Variants in SPECC1 observed in about 807,000 individuals in gnomAD.
SPECC1 encodes sperm antigen with calponin homology and coiled-coil domains 1, also known as cytospin-B.
SPECC1 carries 62 observed loss-of-function variants against 104.1 expected under a neutral mutation model. The observed-to-expected ratio is 0.60, with a 90% CI of 0.49 to 0.74. The LOEUF (loss-of-function observed/expected upper bound fraction) is 0.74, where lower values mean the gene tolerates loss of function less well. Ranked by LOEUF, SPECC1 falls within the 30% of genes least tolerant of loss-of-function variation. The pLI, the probability that SPECC1 is intolerant of heterozygous loss-of-function variation, is 0.00. For synonymous variants in SPECC1, 513 were observed against 501.6 expected, an observed-to-expected ratio of 1.02 and a Z score of -0.30; for missense variants, 1,306 against 1,310.5, an observed-to-expected ratio of 1.00 and a Z score of 0.05.
chr17:20,057,523 T>A (rs2046013696), intron 1 of SPECC1, among the ~76,000 whole-genome samples: 1 of 152,154 alleles, frequency 6.6e-6, no homozygotes, highest in Non-Finnish European at 1.5e-5. Context: ...AGACAGGGTC[T>A]CTCTCTGTCA....
intron 3 of SPECC1, among the ~76,000 whole-genome samples, chr17:20,151,862 A>C (rs2032034942): frequency 6.6e-6 from 1 of 152,084 alleles, no homozygotes; most frequent in Non-Finnish European, 1.5e-5. Context: ...CAGCCTGACC[A>C]ACATGGTGAA....
intron 3 of SPECC1, among the ~76,000 whole-genome samples, chr17:20,156,696 C>A (rs2032587322): frequency 6.6e-6 from 1 of 152,196 alleles, no homozygotes; most frequent in Non-Finnish European, 1.5e-5. Context: ...GTTCCTAACC[C>A]AGAATAGTCC....
chr17:20,116,290 A>T (rs1174322601), intron 3 of SPECC1, among the ~76,000 whole-genome samples: 1 of 151,950 alleles, frequency 6.6e-6, no homozygotes, highest in Non-Finnish European at 1.5e-5. Flanking sequence ...GGGTTTCACC[A>T]TGTTAGCCAG....
intron 3 of SPECC1, among the ~76,000 whole-genome samples, chr17:20,199,716 T>C (rs1204276366): frequency 2.0e-5 from 3 of 152,178 alleles, no homozygotes; most frequent in Non-Finnish European, 2.9e-5. Flanking sequence ...GTTGTACTGA[T>C]TGACATTCTC....
intron 3 of SPECC1, 53 bp downstream of exon 3, chr17:20,110,615 G>A (rs1312010687): frequency 1.4e-5 from 22 of 1,548,158 alleles, no homozygotes; most frequent in Non-Finnish European, 1.8e-5. Flanking sequence ...TGGCCGCATG[G>A]AAGCACTTCA....
intron 4 of SPECC1, among the ~76,000 whole-genome samples, chr17:20,214,883 G>A (rs1207697483): frequency 6.6e-6 from 1 of 152,212 alleles, no homozygotes; most frequent in Non-Finnish European, 1.5e-5. Context: ...TGTCAGGGAC[G>A]GGCAGGAGGA....
At chr17:20,216,237 T>C (rs757117785) in intron 4 of SPECC1, among the ~76,000 whole-genome samples, 18 of 152,158 alleles carry the variant, frequency 1.2e-4, no homozygotes, top group Non-Finnish European at 2.5e-4. Context: ...AGGAGTGCTC[T>C]TAATATCTGC....
chr17:20,108,129 A>G (rs1257385812), intron 2 of SPECC1, among the ~76,000 whole-genome samples: 1 of 152,168 alleles, frequency 6.6e-6, no homozygotes, highest in East Asian at 1.9e-4. Context: ...ATGGTTGTAC[A>G]ACATGGTGAA....
At chr17:20,233,173 C>G (rs1283882843) in intron 7 of SPECC1, among the ~76,000 whole-genome samples, 2 of 152,178 alleles carry the variant, frequency 1.3e-5, no homozygotes, top group African/African-American at 4.8e-5. Context: ...CTTTGAGATT[C>G]TTGGATATTA....
In SPECC1 at chr17:20,204,593, A is replaced by G; in HGVS notation, c.544A>G (p.Ser182Gly). ...TTTGGCAGAAGCCAAAGCAAAAGATAGTGAAATTAACAGGCTTCGAAGTGA... is the reference window on the plus strand; with the variant it reads ...TTTGGCAGAAGCCAAAGCAAAAGATGGTGAAATTAACAGGCTTCGAAGTGA... Reference protein sequence around the residue: ...ELLAEAKAKDSEINRLRSELK... With the variant: ...ELLAEAKAKDGEINRLRSELK... Residue 182 changes from serine (S) to glycine (G), a missense_variant, in exon 4 of 15, where the codon AGT (serine) becomes GGT (glycine). Ser to Gly is a moderately conservative substitution (Grantham distance 56, BLOSUM62 0). Coordinates refer to ENST00000395527, the MANE Select transcript of SPECC1 (RefSeq NM_001243439.2). The G allele has an allele frequency of 6.2e-7, 1 of 1,614,234 alleles. No homozygotes were observed. Among genetic ancestry groups the G allele is most frequent in the East Asian group, 2.2e-5 (1 of 44,886 alleles).
chr17:20,060,516 A>G (rs1004379628), intron 1 of SPECC1, among the ~76,000 whole-genome samples: 3 of 150,488 alleles, frequency 2.0e-5, no homozygotes, highest in African/African-American at 7.5e-5. Context: ...GAAACCCACA[A>G]AAACAAAAAA....
At chr17:20,072,717 A>G (rs774247643) in intron 1 of SPECC1, among the ~76,000 whole-genome samples, 8 of 152,304 alleles carry the variant, frequency 5.3e-5, no homozygotes, top group Middle Eastern at 3.4e-3. Context: ...AACCCATGCC[A>G]CCTGCTATAT....
chr17:20,276,513 G>A (rs2040581837), intron 12 of SPECC1, among the ~76,000 whole-genome samples: 1 of 152,166 alleles, frequency 6.6e-6, no homozygotes, highest in African/African-American at 2.4e-5. Flanking sequence ...TCCTCTAACA[G>A]GGCAGCTTAG....
At chr17:20,029,269 A>G (rs960284457) in intron 1 of SPECC1, among the ~76,000 whole-genome samples, 19 of 151,818 alleles carry the variant, frequency 1.3e-4, no homozygotes, top group African/African-American at 4.1e-4. Flanking sequence ...ATTCTTTTTG[A>G]TGTTATTGTA....
chr17:20,154,964 T>TA (rs1458655870), intron 3 of SPECC1, among the ~76,000 whole-genome samples: 1 of 152,044 alleles, frequency 6.6e-6, no homozygotes, highest in Non-Finnish European at 1.5e-5. Flanking sequence ...AGAGGACTAT[T>TA]AAAAAACCTA....
chr17:20,114,482 G>A (rs377205690), intron 3 of SPECC1, among the ~76,000 whole-genome samples: 6 of 150,796 alleles, frequency 4.0e-5, no homozygotes, highest in East Asian at 1.9e-4. Flanking sequence ...GAGTCATGGC[G>A]CCCAGCCTGT....
intron 13 of SPECC1, among the ~76,000 whole-genome samples, chr17:20,305,262 G>A (rs2041726533): frequency 6.6e-6 from 1 of 152,132 alleles, no homozygotes; most frequent in African/African-American, 2.4e-5. Context: ...CTGTGACAAT[G>A]TACAACTTGA....
chr17:20,198,114 C>A (rs922080947), intron 3 of SPECC1, among the ~76,000 whole-genome samples: 1 of 152,014 alleles, frequency 6.6e-6, no homozygotes, highest in Admixed American at 6.6e-5. Flanking sequence ...AGGAAAATTA[C>A]TTTTTTTTGT....
At chr17:20,301,143 C>G (rs1431316471) in intron 13 of SPECC1, among the ~76,000 whole-genome samples, 1 of 152,144 alleles carries the variant, frequency 6.6e-6, no homozygotes, top group Non-Finnish European at 1.5e-5. Flanking sequence ...GAGGCCATAT[C>G]TATCACAGTT....
Sources: allele counts gnomAD v4.1 joint callset (sites outside exome capture counted in the v4.1 genomes callset), GRCh38; gene constraint gnomAD v4.1.1; transcripts MANE v1.5; gene names NCBI Gene and HGNC (gene_info 2026-07-23, HGNC 2026-07-21).